The following CEP128 variants were observed in gnomAD, a reference collection of about 807,000 sequenced individuals.
The protein encoded by CEP128 is centrosomal protein 128kDa.
A neutral mutation model predicts 156.7 loss-of-function variants in CEP128; 132 were observed. The ratio of observed to expected loss-of-function variants is 0.84; its 90% CI spans 0.73 to 0.97. The LOEUF is 0.97. Ranked by LOEUF, CEP128 falls within the 50% of genes least tolerant of loss-of-function variation. The pLI, the probability that CEP128 is intolerant of heterozygous loss-of-function variation, is 0.00. For missense variants in CEP128, 1,252 were observed against 1,281.9 expected, an observed-to-expected ratio of 0.98 and a Z score of 0.36; for synonymous variants, 469 against 448.9, an observed-to-expected ratio of 1.04 and a Z score of -0.57.
intron 19 of CEP128, among the ~76,000 whole-genome samples, chr14:80,693,813 AT>A (rs1316528917): frequency 2.0e-5 from 3 of 152,204 alleles, no homozygotes; most frequent in Non-Finnish European, 1.5e-5. Context: ...CAAACTTATA[AT>A]TTGGTTGAAA....
intron 15 of CEP128, among the ~76,000 whole-genome samples, chr14:80,779,442 T>C (rs911130658): frequency 6.6e-6 from 1 of 152,208 alleles, no homozygotes; most frequent in African/African-American, 2.4e-5. Flanking sequence ...ATAAAATCTC[T>C]CATCAGGAAA....
At position 80,925,351 on chromosome 14, in the gene CEP128, T is replaced by A. The variant is rs1310578060; in HGVS notation, c.-15-8789A>T. Among the ~76,000 whole-genome samples, 4 of 151,358 alleles carry A rather than the reference T, an allele frequency of 2.6e-5. No homozygotes were observed. The East Asian group carries it at 5.8e-4, about 22-fold the overall frequency. On this transcript the variant is annotated intron_variant, in intron 2 of 24. Coordinates refer to ENST00000555265, the MANE Select transcript of CEP128 (RefSeq NM_152446.5). The stretch of plus-strand genomic sequence containing the variant: ...TGGCCAATGAGATTGAGAAGAAACA[T>A]GAGAAGTAGGTGAAAAACTAGGGGA...
intron 4 of CEP128, among the ~76,000 whole-genome samples, chr14:80,910,058 C>G (rs1380458182): frequency 6.6e-6 from 1 of 152,100 alleles, no homozygotes; most frequent in Non-Finnish European, 1.5e-5. Context: ...CACCAGATAC[C>G]AAATGATGAT....
At chr14:80,848,578 T>C (rs1345384380) in intron 9 of CEP128, among the ~76,000 whole-genome samples, 3 of 151,802 alleles carry the variant, frequency 2.0e-5, no homozygotes, top group Admixed American at 1.3e-4. Flanking sequence ...GAGAATCGCT[T>C]GAACCTGGGA....
intron 13 of CEP128, among the ~76,000 whole-genome samples, chr14:80,799,263 T>A (rs898621201): frequency 1.3e-5 from 2 of 152,222 alleles, no homozygotes; most frequent in African/African-American, 2.4e-5. Context: ...TTCATGGACA[T>A]TTATCAGTTC....
chr14:80,886,637 T>G (rs571219156), intron 8 of CEP128, among the ~76,000 whole-genome samples: 1 of 152,128 alleles, frequency 6.6e-6, no homozygotes, highest in Admixed American at 6.6e-5. Flanking sequence ...AAGCACTAAA[T>G]ATGGAAAGGA....
chr14:80,541,086 G>C (rs1375003251), intron 21 of CEP128, among the ~76,000 whole-genome samples: 1 of 152,132 alleles, frequency 6.6e-6, no homozygotes, highest in Non-Finnish European at 1.5e-5. Flanking sequence ...GGAGATACAA[G>C]GTTATAGCTC....
intron 21 of CEP128, among the ~76,000 whole-genome samples, chr14:80,532,145 C>G (rs1889255235): frequency 6.6e-6 from 1 of 152,018 alleles, no homozygotes. Context: ...AATAAGTAGT[C>G]AACTGGCTCA....
chr14:80,745,412 G>C (rs754369912), intron 18 of CEP128, among the ~76,000 whole-genome samples: 1 of 152,124 alleles, frequency 6.6e-6, no homozygotes. Context: ...CTAATACAAT[G>C]ATCAAGTGGA....
chr14:80,524,785 G>A (rs2140258200), intron 23 of CEP128, among the ~76,000 whole-genome samples: 1 of 152,248 alleles, frequency 6.6e-6, no homozygotes, highest in South Asian at 2.1e-4. Flanking sequence ...AAATATTTAA[G>A]TAGTATTAAT....
At chr14:80,738,357 G>A (rs1275055636) in intron 19 of CEP128, among the ~76,000 whole-genome samples, 2 of 152,148 alleles carry the variant, frequency 1.3e-5, no homozygotes, top group Non-Finnish European at 1.5e-5. Context: ...CGAAGGATGA[G>A]CAGGGAAAAG....
intron 19 of CEP128, among the ~76,000 whole-genome samples, chr14:80,726,476 T>C (rs1235775567): frequency 6.6e-6 from 1 of 152,236 alleles, no homozygotes; most frequent in Non-Finnish European, 1.5e-5. Context: ...CATAGCTTTA[T>C]ATGTAAATTT....
intron 21 of CEP128, among the ~76,000 whole-genome samples, chr14:80,548,849 T>C (rs1594983627): frequency 3.3e-5 from 5 of 152,238 alleles, no homozygotes. Context: ...TTCCCAGTGA[T>C]ACCTTTCCTA....
chr14:80,658,022 T>C (rs944273007), intron 19 of CEP128, among the ~76,000 whole-genome samples: 1 of 152,144 alleles, frequency 6.6e-6, no homozygotes, highest in African/African-American at 2.4e-5. Context: ...AAAGTATAAA[T>C]AGTAACAGGA....
At chr14:80,648,166 GT>G (rs1278347620) in intron 19 of CEP128, among the ~76,000 whole-genome samples, 1 of 151,918 alleles carries the variant, frequency 6.6e-6, no homozygotes, top group African/African-American at 2.4e-5. Flanking sequence ...CCAGTGTAAT[GT>G]TTTTTTCAGA....
chr14:80,918,601 C>G (rs1270073542), intron 2 of CEP128, among the ~76,000 whole-genome samples: 1 of 152,152 alleles, frequency 6.6e-6, no homozygotes, highest in African/African-American at 2.4e-5. Context: ...TTTCTCTGTC[C>G]TCAACACTAT....
At chr14:80,611,382 T>C (rs984886656) in intron 19 of CEP128, among the ~76,000 whole-genome samples, 1 of 147,474 alleles carries the variant, frequency 6.8e-6, no homozygotes, top group Non-Finnish European at 1.5e-5. Context: ...TGAGAAAAAA[T>C]AATTCATGTA....
chr14:80,872,979 C>G (rs529428364), intron 8 of CEP128, among the ~76,000 whole-genome samples: 1 of 152,148 alleles, frequency 6.6e-6, no homozygotes, highest in African/African-American at 2.4e-5. Flanking sequence ...AGATGCCCTT[C>G]GTGCAATTAT....
intron 22 of CEP128, among the ~76,000 whole-genome samples, chr14:80,528,222 C>T (rs1221179830): frequency 2.0e-5 from 3 of 152,210 alleles, no homozygotes; most frequent in Admixed American, 6.5e-5. Flanking sequence ...GGACTTAGAA[C>T]TCAATGCTAT....
Sources: gnomAD v4.1 joint callset for allele counts (sites outside exome capture counted in the v4.1 genomes callset) on GRCh38, gnomAD v4.1.1 for gene constraint, MANE v1.5 for transcripts, NCBI Gene and HGNC (gene_info 2026-07-23, HGNC 2026-07-21) for gene names.